Variants in IL1RAPL2 observed in about 807,000 individuals in gnomAD.
IL1RAPL2 encodes interleukin 1 receptor accessory protein like 2.
IL1RAPL2 carries 3 observed loss-of-function variants against 44.1 expected under a neutral mutation model. The ratio of observed to expected loss-of-function variants is 0.07; its 90% CI spans 0.03 to 0.18. The LOEUF (loss-of-function observed/expected upper bound fraction) is 0.18. Among genes scored for constraint, IL1RAPL2 ranks in the 10% least tolerant of loss-of-function variants. IL1RAPL2 has a pLI of 1.00. For synonymous variants in IL1RAPL2, 181 were observed against 178.8 expected (o/e 1.01, Z -0.10); for missense variants, 391 against 496.4 (o/e 0.79, Z 2.02).
chrX:104,738,251 C>T (rs1370536016), intron 2 of IL1RAPL2, among the ~76,000 whole-genome samples: 1 of 111,795 alleles, frequency 8.9e-6, no homozygotes, highest in Non-Finnish European at 1.9e-5. Flanking sequence ...TAATAATTAT[C>T]CTGGACTTCC....
chrX:104,670,740 A>C (rs1450244522), intron 2 of IL1RAPL2, among the ~76,000 whole-genome samples: 1 of 111,516 alleles, frequency 9.0e-6, no homozygotes, highest in Non-Finnish European at 1.9e-5. Flanking sequence ...GTCACCCCAC[A>C]CTTCTTCATC....
chrX:104,847,543 C>T (rs1420651332), intron 2 of IL1RAPL2, among the ~76,000 whole-genome samples: 65 of 111,338 alleles, frequency 5.8e-4, no homozygotes, highest in Non-Finnish European at 1.0e-3. Context: ...TTCTGTTCCA[C>T]TCGTCTATAT....
Position 105,606,864 on chromosome X carries a change from G to A in IL1RAPL2, c.773-110503G>A, listed in dbSNP as rs2037296032. 7.2e-5 allele frequency among the ~76,000 whole-genome samples: 8 copies of A among 111,396 alleles called. No homozygotes were observed. The Admixed American group carries it at 7.6e-4, about 11-fold the overall frequency. ...AAATAATTGATTTCCTACAAGTAGA[G>A]AGTAGAATAGTAGTTACTAGAGGCT... On this transcript the variant is annotated intron_variant, in intron 6 of 10. Coordinates refer to ENST00000372582, the MANE Select transcript of IL1RAPL2 (RefSeq NM_017416.2).
chrX:105,044,682 T>G (rs2031813500), intron 2 of IL1RAPL2, among the ~76,000 whole-genome samples: 1 of 111,578 alleles, frequency 9.0e-6, no homozygotes, highest in African/African-American at 3.3e-5. Context: ...TGAAATGTCT[T>G]TAAAGCAAGT....
intron 2 of IL1RAPL2, among the ~76,000 whole-genome samples, chrX:104,901,105 A>G (rs1266548895): frequency 9.1e-6 from 1 of 109,725 alleles, no homozygotes; most frequent in Non-Finnish European, 1.9e-5. Context: ...TGTTCATTCA[A>G]TATTAATATA....
Position 105,596,359 on chromosome X carries a change from A to C in IL1RAPL2, c.772+111972A>C, listed in dbSNP as rs192357713. ...CGTTATTTTTTTTTGTCTTGTCTCAAGATTTTTGTTTGTCTCAAGATATTT... is the reference window on the plus strand; with the variant it reads ...CGTTATTTTTTTTTGTCTTGTCTCACGATTTTTGTTTGTCTCAAGATATTT... On this transcript the variant is annotated intron_variant, in intron 6 of 10. Coordinates refer to ENST00000372582, the MANE Select transcript of IL1RAPL2 (RefSeq NM_017416.2). 7.3e-5 allele frequency among the ~76,000 whole-genome samples: 8 copies of C among 109,314 alleles called. No homozygotes were observed. In the Admixed American group the frequency reaches 7.9e-4, roughly 11 times the overall value. 94.9% of individuals were successfully genotyped at this position (109,314 alleles called of 115,157 possible).
At chrX:105,323,872 TCACA>T (rs112033130) in intron 5 of IL1RAPL2, among the ~76,000 whole-genome samples, 42 of 102,498 alleles carry the variant, frequency 4.1e-4, no homozygotes, top group Admixed American at 1.0e-3. Context: ...TGAGACTCTG[TCACA>T]CACACACACA....
chrX:105,383,036 G>A lies in IL1RAPL2; in HGVS notation c.698-101277G>A, dbSNP rs956519017. On this transcript the variant is annotated intron_variant, in intron 5 of 10. Transcript: ENST00000372582. Reference sequence around the variant, plus strand: ...CTAATGTTAAATGAAGAGTTCCTGGGTGCAGCACACGAACATGGCACATGT... The same window carrying A: ...CTAATGTTAAATGAAGAGTTCCTGGATGCAGCACACGAACATGGCACATGT... 9.2e-5 allele frequency among the ~76,000 whole-genome samples: 10 copies of A among 108,150 alleles called. No individual in the cohort carries two copies. In the East Asian group the frequency reaches 3.0e-3, roughly 32 times the overall value. The allele number at this position is 108,150 out of a possible 115,157, so 93.9% of individuals were successfully genotyped here.
At chrX:104,764,061 A>G (rs760726585) in intron 2 of IL1RAPL2, among the ~76,000 whole-genome samples, 65 of 111,635 alleles carry the variant, frequency 5.8e-4, no homozygotes, top group Non-Finnish European at 8.5e-4. Context: ...CTGGTTCCAT[A>G]TAAATTTTAG....
chrX:105,298,401 GA>G (rs2034670684), intron 5 of IL1RAPL2, among the ~76,000 whole-genome samples: 1 of 110,713 alleles, frequency 9.0e-6, no homozygotes, highest in South Asian at 3.9e-4. Context: ...AGAGGTGTAG[GA>G]AAAGCGGGAA....
chrX:105,562,231 G>A (rs1165446947), intron 6 of IL1RAPL2, among the ~76,000 whole-genome samples: 5 of 111,638 alleles, frequency 4.5e-5, no homozygotes, highest in African/African-American at 1.6e-4. Context: ...AAGTAAAATT[G>A]TAAAAAATAA....
intron 1 of IL1RAPL2, among the ~76,000 whole-genome samples, chrX:104,569,364 A>G (rs1275391247): frequency 8.9e-6 from 1 of 112,116 alleles, no homozygotes; most frequent in Non-Finnish European, 1.9e-5. Flanking sequence ...TGGCATTTAC[A>G]GGTAAAATCA....
chrX:104,636,374 A>G (rs776070862), intron 1 of IL1RAPL2, among the ~76,000 whole-genome samples: 2 of 112,310 alleles, frequency 1.8e-5, no homozygotes, highest in Non-Finnish European at 3.8e-5. Flanking sequence ...CAAAGCTGCC[A>G]GACAGGGACA....
intron 6 of IL1RAPL2, among the ~76,000 whole-genome samples, chrX:105,575,794 T>C (rs1045437610): frequency 1.8e-5 from 2 of 112,511 alleles, no homozygotes; most frequent in African/African-American, 6.4e-5. Context: ...CCACCAGCAG[T>C]GTATAAGTGT....
chrX:104,914,560 G>A (rs1011548704), intron 2 of IL1RAPL2, among the ~76,000 whole-genome samples: 4 of 111,453 alleles, frequency 3.6e-5, no homozygotes, highest in Admixed American at 1.9e-4. Flanking sequence ...TGTTGTGATT[G>A]CTTTCTTTTT....
intron 2 of IL1RAPL2, among the ~76,000 whole-genome samples, chrX:105,134,298 G>C (rs2033055628): frequency 8.9e-6 from 1 of 112,104 alleles, no homozygotes; most frequent in Non-Finnish European, 1.9e-5. Context: ...ATAAATAAAA[G>C]TTGTAGAACC....
At chrX:105,545,570 T>C (rs2036788283) in intron 6 of IL1RAPL2, among the ~76,000 whole-genome samples, 1 of 112,251 alleles carries the variant, frequency 8.9e-6, no homozygotes, top group African/African-American at 3.2e-5. Flanking sequence ...GTGCAATGTC[T>C]ATGTGTCTTC....
chrX:105,336,376 A>G (rs1308277275), intron 5 of IL1RAPL2, among the ~76,000 whole-genome samples: 3 of 112,514 alleles, frequency 2.7e-5, no homozygotes, highest in African/African-American at 9.7e-5. Context: ...TGAATCCTTC[A>G]AAGCATCACT....
rs746287115 is a variant in IL1RAPL2 at position 105,094,929 on chromosome X, C to A, written c.83-100546C>A. Among the ~76,000 whole-genome samples the A allele has an allele frequency of 2.0e-4, 22 of 111,067 alleles. No homozygotes were observed. In the South Asian group the frequency reaches 8.4e-3, roughly 42 times the overall value. On this transcript the variant is annotated intron_variant, in intron 2 of 10. Transcript: ENST00000372582. ...TAAATTTATTCCTAAGTATTTTTTT[C>A]ATGCTATTACTAATGGGATTGTTTT...
Sources: gnomAD v4.1 joint callset for allele counts (sites outside exome capture counted in the v4.1 genomes callset) on GRCh38, gnomAD v4.1.1 for gene constraint, MANE v1.5 for transcripts, NCBI Gene and HGNC (gene_info 2026-07-23, HGNC 2026-07-21) for gene names.